OLAH: variants seen among roughly 807,000 people sequenced by gnomAD.
The protein encoded by OLAH is S-acyl fatty acid synthase thioesterase, medium chain.
A neutral mutation model predicts 27.8 loss-of-function variants in OLAH; 33 were observed. The ratio of observed to expected loss-of-function variants is 1.19; its 90% CI spans 0.90 to 1.59. OLAH has a LOEUF of 1.59. OLAH is among the 40% of genes most tolerant of loss of function. OLAH has a pLI of 0.00. For missense variants in OLAH, 359 were observed against 310.8 expected (o/e 1.16, Z -1.17); for synonymous variants, 120 against 102.9 (o/e 1.17, Z -1.01).
At chr10:15,033,414 G>C (rs1268842459) in intron 1 of OLAH, among the ~76,000 whole-genome samples, 2 of 151,984 alleles carry the variant, frequency 1.3e-5, no homozygotes, top group African/African-American at 4.8e-5. Flanking sequence ...TATAGTAAGA[G>C]AGTGCAAGGG....
upstream of OLAH, among the ~76,000 whole-genome samples, chr10:15,039,228 T>TA (rs146384060): frequency 0.048 from 7,212 of 149,866 alleles, 244 homozygotes; most frequent in African/African-American, 0.1. Context: ...TATGTCTCTC[T>TA]AAAAAAAAAG....
chr10:15,049,861 A>G, intron 3 of OLAH, 96 bp downstream of exon 3: 1 of 1,175,188 alleles, frequency 8.5e-7, no homozygotes, highest in Non-Finnish European at 1.2e-6. Context: ...CCTTCCTGGT[A>G]GGTAATTGAT....
chr10:15,061,410 A>C (rs1844359154), intron 3 of OLAH, among the ~76,000 whole-genome samples: 1 of 151,800 alleles, frequency 6.6e-6, no homozygotes, highest in South Asian at 2.1e-4. Context: ...TATTTTCCTG[A>C]TATAGGTAAC....
intron 1 of OLAH, among the ~76,000 whole-genome samples, chr10:15,034,864 C>T (rs1467605743): frequency 4.0e-5 from 6 of 148,790 alleles, no homozygotes; most frequent in East Asian, 2.0e-4. Context: ...TGCAGTGGCA[C>T]GATCTCGGCT....
intron 3 of OLAH, among the ~76,000 whole-genome samples, chr10:15,054,096 T>C (rs1222941214): frequency 6.7e-6 from 1 of 149,340 alleles, no homozygotes; most frequent in Non-Finnish European, 1.5e-5. Context: ...TGAAGTTCAG[T>C]GGCGCAATCT....
At chr10:15,034,314 G>A (rs1843807560) in intron 1 of OLAH, among the ~76,000 whole-genome samples, 1 of 151,914 alleles carries the variant, frequency 6.6e-6, no homozygotes, top group African/African-American at 2.4e-5. Context: ...TGTATTTTTA[G>A]TAGAGACGGG....
intron 3 of OLAH, among the ~76,000 whole-genome samples, chr10:15,057,229 G>A (rs1844263439): frequency 6.6e-6 from 1 of 152,034 alleles, no homozygotes; most frequent in Admixed American, 6.6e-5. Context: ...ATTTGAGCCT[G>A]CCTTTTGTAT....
At chr10:15,040,470 C>T (rs1313745726), upstream of OLAH, among the ~76,000 whole-genome samples, 6 of 152,248 alleles carry the variant, frequency 3.9e-5, no homozygotes, top group South Asian at 1.2e-3. Context: ...CCAGTCATCC[C>T]ATAATTGTCC....
chr10:15,040,464 T>A (rs1181206307), upstream of OLAH, among the ~76,000 whole-genome samples: 2 of 152,120 alleles, frequency 1.3e-5, no homozygotes, highest in African/African-American at 4.8e-5. Flanking sequence ...TAATCACCAG[T>A]CATCCCATAA....
intron 3 of OLAH, chr10:15,056,838 C>CTG: frequency 6.7e-7 from 1 of 1,501,314 alleles, no homozygotes; most frequent in East Asian, 2.6e-5. Flanking sequence ...AGCATCTCAC[C>CTG]ATGTTGCCAA....
intron 3 of OLAH, among the ~76,000 whole-genome samples, chr10:15,050,704 CT>C (rs1844119840): frequency 6.6e-6 from 1 of 152,052 alleles, no homozygotes; most frequent in South Asian, 2.1e-4. Context: ...CAGCGCCCAG[CT>C]AATTTTTTTG....
intron 4 of OLAH, among the ~76,000 whole-genome samples, chr10:15,063,366 A>G (rs941783819): frequency 6.6e-6 from 1 of 152,148 alleles, no homozygotes; most frequent in Non-Finnish European, 1.5e-5. Context: ...CCTGGGCCCA[A>G]GTGATCCACC....
At chr10:15,037,438 A>C (rs1589234220) in intron 1 of OLAH, among the ~76,000 whole-genome samples, 1 of 152,038 alleles carries the variant, frequency 6.6e-6, no homozygotes, top group Non-Finnish European at 1.5e-5. Flanking sequence ...AAAATTAGCC[A>C]GGCATGGTGG....
intron 3 of OLAH, among the ~76,000 whole-genome samples, chr10:15,053,884 T>C (rs1224913143): frequency 6.6e-6 from 1 of 151,994 alleles, no homozygotes; most frequent in Non-Finnish European, 1.5e-5. Context: ...TTGGCTAATT[T>C]CTTTTTTCAT....
chr10:15,057,400 T>TTC (rs1409939645), intron 3 of OLAH, among the ~76,000 whole-genome samples: 1 of 148,450 alleles, frequency 6.7e-6, no homozygotes, highest in Non-Finnish European at 1.5e-5. Flanking sequence ...CTGGGCTTTT[T>TTC]TTTTTTTTTT....
At chr10:15,050,564 C>T (rs868616251) in intron 3 of OLAH, among the ~76,000 whole-genome samples, 47 of 118,534 alleles carry the variant, frequency 4.0e-4, no homozygotes, top group South Asian at 1.6e-3. Context: ...TTTTTTGAGA[C>T]GGAGTCTGGC....
At chr10:15,048,301 C>T (rs1844061263) in intron 2 of OLAH, among the ~76,000 whole-genome samples, 2 of 152,136 alleles carry the variant, frequency 1.3e-5, no homozygotes, top group Admixed American at 1.3e-4. Flanking sequence ...CACTGCAACC[C>T]CCCCCTCCTG....
At position 15,062,161 on chromosome 10, in the gene OLAH, G is replaced by A. The variant is rs566135405; in HGVS notation, c.302+299G>A. The A allele has an allele frequency of 1.8e-4, 39 of 220,426 alleles. 1 individual carries two copies. The highest frequency in any genetic ancestry group is 7.1e-5 in the Non-Finnish European group (8 of 112,024). The allele number at this position is 220,426 out of a possible 1,614,324, so 13.7% of individuals were successfully genotyped here. On this transcript the variant is annotated intron_variant, in intron 4 of 7. Transcript: ENST00000378228. ...AAAGAGTATATGTTTCTTAAGCTAC[G>A]TTGTATAATTCTGAGGTTAAGTCAG...
intron 1 of OLAH, among the ~76,000 whole-genome samples, chr10:15,038,358 G>C (rs1444437548): frequency 6.6e-6 from 1 of 152,140 alleles, no homozygotes; most frequent in South Asian, 2.1e-4. Flanking sequence ...AGGCATGATT[G>C]GTTTTGAAAT....
Sources: gnomAD v4.1 joint callset for allele counts (sites outside exome capture counted in the v4.1 genomes callset) on GRCh38, gnomAD v4.1.1 for gene constraint, MANE v1.5 for transcripts, NCBI Gene and HGNC (gene_info 2026-07-23, HGNC 2026-07-21) for gene names.